KCND3: variants seen among roughly 807,000 people sequenced by gnomAD.
KCND3 encodes the protein potassium voltage-gated channel subfamily D member 3.
A neutral mutation model predicts 51.1 loss-of-function variants in KCND3; 9 were observed. The ratio of observed to expected loss-of-function variants is 0.18; its 90% CI spans 0.11 to 0.31. The LOEUF is 0.31. KCND3 is among the 10% of genes least tolerant of loss of function. The pLI, the probability that KCND3 is intolerant of heterozygous loss-of-function variation, is 1.00. For synonymous variants in KCND3, 349 were observed against 368.0 expected (o/e 0.95, Z 0.59); for missense variants, 526 against 903.8 (o/e 0.58, Z 5.36).
In KCND3 at chr1:111,876,346, C is replaced by T. The variant is rs114498837; in HGVS notation, c.1107-89240G>A. On this transcript the variant is annotated intron_variant, in intron 2 of 7. Transcript: ENST00000302127. Reference sequence around the variant, plus strand: ...AAACCCTGTGATGGGAGGCCCAGTGCGACTCAGTGGCGTGCATTTGCCGAG... The same window carrying T: ...AAACCCTGTGATGGGAGGCCCAGTGTGACTCAGTGGCGTGCATTTGCCGAG... Among the ~76,000 whole-genome samples, 1,037 of 139,916 alleles carry T rather than the reference C, an allele frequency of 7.4e-3. 12 individuals carry two copies. The highest frequency in any genetic ancestry group is 0.026 in the African/African-American group (971 of 37,702). The allele number at this position is 139,916 out of a possible 152,430, so 91.8% of individuals were successfully genotyped here.
intron 2 of KCND3, among the ~76,000 whole-genome samples, chr1:111,972,168 C>CTTTTTTTTTTTT (rs56102317): frequency 3.7e-5 from 3 of 80,200 alleles, no homozygotes; most frequent in Non-Finnish European, 6.9e-5. Flanking sequence ...ATTTGTATAT[C>CTTTTTTTTTTTT]TTTTTTTTTT....
intron 2 of KCND3, among the ~76,000 whole-genome samples, chr1:111,867,690 A>T (rs747936644): frequency 6.6e-6 from 1 of 152,184 alleles, no homozygotes; most frequent in Non-Finnish European, 1.5e-5. Flanking sequence ...CACATCTAAG[A>T]GGGAGAAGCT....
intron 2 of KCND3, among the ~76,000 whole-genome samples, chr1:111,972,362 C>T (rs955907030): frequency 9.9e-5 from 15 of 151,604 alleles, no homozygotes; most frequent in African/African-American, 3.1e-4. Flanking sequence ...TTAGTAGAGA[C>T]GGGGTTTCAC....
At chr1:111,818,040 G>GCACACACACACA (rs59035556) in intron 2 of KCND3, among the ~76,000 whole-genome samples, 120 of 148,074 alleles carry the variant, frequency 8.1e-4, no homozygotes, top group East Asian at 5.8e-3. Context: ...ACACGCGCGT[G>GCACACACACACA]CACACACACA....
chr1:111,776,638 G>A (rs1365104883), intron 7 of KCND3, among the ~76,000 whole-genome samples: 1 of 152,022 alleles, frequency 6.6e-6, no homozygotes, highest in Non-Finnish European at 1.5e-5. Flanking sequence ...TCAGTCTCTG[G>A]GATTCAAATC....
chr1:111,854,685 C>T (rs1187468120), intron 2 of KCND3, among the ~76,000 whole-genome samples: 1 of 152,184 alleles, frequency 6.6e-6, no homozygotes, highest in East Asian at 1.9e-4. Flanking sequence ...CTCTTAGTTG[C>T]TGCTACTAAA....
chr1:111,868,220 T>G (rs376634255), intron 2 of KCND3, among the ~76,000 whole-genome samples: 1 of 152,228 alleles, frequency 6.6e-6, no homozygotes, highest in African/African-American at 2.4e-5. Context: ...TGAAACCTCA[T>G]GCTGTCCTGC....
chr1:111,933,212 C>T (rs1050492935), intron 2 of KCND3, among the ~76,000 whole-genome samples: 13 of 152,164 alleles, frequency 8.5e-5, no homozygotes, highest in Non-Finnish European at 1.6e-4. Flanking sequence ...TTTCCTGAGG[C>T]CTCCCCAGTC....
At chr1:111,871,325 T>A (rs1668819407) in intron 2 of KCND3, among the ~76,000 whole-genome samples, 1 of 152,144 alleles carries the variant, frequency 6.6e-6, no homozygotes, top group Non-Finnish European at 1.5e-5. Flanking sequence ...ATTATGATTA[T>A]CAAGGCAATG....
chr1:111,836,617 C>A (rs74109704), intron 2 of KCND3, among the ~76,000 whole-genome samples: 2,992 of 152,272 alleles, frequency 0.02, 88 homozygotes, highest in East Asian at 0.13. Context: ...TCTCACCTGA[C>A]AGACCCTGTG....
At chr1:111,934,601 G>T (rs1672130447) in intron 2 of KCND3, among the ~76,000 whole-genome samples, 1 of 152,202 alleles carries the variant, frequency 6.6e-6, no homozygotes, top group Non-Finnish European at 1.5e-5. Context: ...CTTAGAAAAA[G>T]GAGTGTAAAT....
chr1:111,924,193 G>A (rs1671596898), intron 2 of KCND3, among the ~76,000 whole-genome samples: 1 of 152,238 alleles, frequency 6.6e-6, no homozygotes, highest in African/African-American at 2.4e-5. Flanking sequence ...GACCTCAGAA[G>A]CAAAGGTGAA....
In KCND3 at chr1:111,984,898, C is replaced by A. The variant is rs1675181849; in HGVS notation, c.-72-2100G>T. ...CCTCTCCTCACTATGAGATTCTCTTCTTCCTTTGGGCTCTTGACTCGTTGT... is the reference window on the plus strand; with the variant it reads ...CCTCTCCTCACTATGAGATTCTCTTATTCCTTTGGGCTCTTGACTCGTTGT... On this transcript the variant is annotated intron_variant, in intron 1 of 7. Transcript: ENST00000302127. Among the ~76,000 whole-genome samples, 4 of 152,180 alleles carry A rather than the reference C, an allele frequency of 2.6e-5. No individual in the cohort carries two copies. The South Asian group carries it at 8.3e-4, about 32-fold the overall frequency.
At chr1:111,962,418 C>T (rs910334586) in intron 2 of KCND3, among the ~76,000 whole-genome samples, 3 of 152,138 alleles carry the variant, frequency 2.0e-5, no homozygotes, top group East Asian at 1.9e-4. Flanking sequence ...CCCTTTGGCC[C>T]GGGGGAGCTG....
intron 2 of KCND3, among the ~76,000 whole-genome samples, chr1:111,880,251 C>G (rs1571787018): frequency 2.0e-5 from 3 of 152,298 alleles, no homozygotes; most frequent in Admixed American, 6.5e-5. Context: ...TTGCCAGGAA[C>G]AGCAGTGGAT....
At chr1:111,815,869 G>A (rs1666064740) in intron 2 of KCND3, among the ~76,000 whole-genome samples, 1 of 151,994 alleles carries the variant, frequency 6.6e-6, no homozygotes, top group Non-Finnish European at 1.5e-5. Context: ...GAATTTCTGG[G>A]CCTTCCTGGA....
rs1664005716 is a variant in KCND3, at chr1:111,773,700, T to A, written c.*2377A>T. The A allele has an allele frequency of 6.6e-6, 1 of 152,154 alleles. No homozygotes were observed. The highest frequency in any genetic ancestry group is 1.5e-5 in the Non-Finnish European group (1 of 68,042). The allele number at this position is 152,154 out of a possible 1,614,324, so 9.4% of individuals were successfully genotyped here. On this transcript the variant is annotated 3_prime_UTR_variant, in exon 8 of 8. Transcript: ENST00000302127. ...CTTCCCAAAGTGCTGGGATTACAGATGTGAGCCACCGCGCCCAGCCCTATT... is the reference window on the plus strand; with the variant it reads ...CTTCCCAAAGTGCTGGGATTACAGAAGTGAGCCACCGCGCCCAGCCCTATT...
intron 2 of KCND3, among the ~76,000 whole-genome samples, chr1:111,969,956 C>G (rs923102108): frequency 4.6e-5 from 7 of 152,160 alleles, no homozygotes; most frequent in Non-Finnish European, 7.3e-5. Context: ...TTCACTGTCT[C>G]TCCTCTTACC....
intron 2 of KCND3, among the ~76,000 whole-genome samples, chr1:111,893,492 T>C (rs1225863680): frequency 6.6e-6 from 1 of 152,162 alleles, no homozygotes; most frequent in Admixed American, 6.5e-5. Context: ...GAAGTGTGGC[T>C]GGAGAAGGTG....
Sources: gnomAD v4.1 joint callset for allele counts (sites outside exome capture counted in the v4.1 genomes callset) on GRCh38, gnomAD v4.1.1 for gene constraint, MANE v1.5 for transcripts, NCBI Gene and HGNC (gene_info 2026-07-23, HGNC 2026-07-21) for gene names.